Variants in SDK1 observed in about 807,000 individuals in gnomAD.
The protein encoded by SDK1 is protein sidekick-1.
SDK1 carries 157 observed loss-of-function variants against 245.5 expected under a neutral mutation model. The observed-to-expected ratio is 0.64, with a 90% confidence interval of 0.56 to 0.73. The LOEUF is 0.73. Ranked by LOEUF, SDK1 falls within the 30% of genes least tolerant of loss-of-function variation. The probability of loss-of-function intolerance (pLI) is 0.00; values close to 1 mark genes in which losing one functional copy is unlikely to be tolerated. For missense variants in SDK1, 3,583 were observed against 3,002.3 expected, an observed-to-expected ratio of 1.19 and a Z score of -4.52; for synonymous variants, 1,647 against 1,278.5, an observed-to-expected ratio of 1.29 and a Z score of -6.15.
At chr7:3,889,657 G>A (rs567626252) in intron 5 of SDK1, among the ~76,000 whole-genome samples, 16 of 152,224 alleles carry the variant, frequency 1.1e-4, no homozygotes, top group Admixed American at 7.8e-4. Context: ...ACAGGTGCCC[G>A]CCACCTCGCC....
intron 1 of SDK1, among the ~76,000 whole-genome samples, chr7:3,354,710 A>C (rs1348552910): frequency 6.6e-6 from 1 of 152,226 alleles, no homozygotes; most frequent in Non-Finnish European, 1.5e-5. Context: ...AGATTATTTA[A>C]ATAGCCCTGC....
chr7:3,984,169 T>A (rs10216167), intron 13 of SDK1, among the ~76,000 whole-genome samples: 70,510 of 151,928 alleles, frequency 0.46, 17,713 homozygotes, highest in South Asian at 0.66. Flanking sequence ...CCACTCTGAC[T>A]AGAATCACAT....
chr7:3,602,119 A>G (rs1781272816), intron 1 of SDK1, among the ~76,000 whole-genome samples: 1 of 151,984 alleles, frequency 6.6e-6, no homozygotes, highest in Non-Finnish European at 1.5e-5. Context: ...GCTGTTGTGA[A>G]TAGTGCTACA....
chr7:3,582,644 TAACA>T (rs1005159488), intron 1 of SDK1, among the ~76,000 whole-genome samples: 2 of 95,016 alleles, frequency 2.1e-5, no homozygotes, highest in Admixed American at 1.6e-4. Flanking sequence ...TGAGCTTACA[TAACA>T]AACCTGCACA....
chr7:3,500,532 A>C (rs1182635510), intron 1 of SDK1, among the ~76,000 whole-genome samples: 1 of 152,028 alleles, frequency 6.6e-6, no homozygotes, highest in Non-Finnish European at 1.5e-5. Flanking sequence ...CTTTCTCATT[A>C]TTCTTATGTG....
At chr7:3,396,926 G>C (rs1349990258) in intron 1 of SDK1, among the ~76,000 whole-genome samples, 2 of 151,208 alleles carry the variant, frequency 1.3e-5, no homozygotes, top group African/African-American at 4.8e-5. Context: ...TATATTTTTT[G>C]TTCCTTCATT....
chr7:4,120,928 T>TAAAAA lies in SDK1; in HGVS notation c.3824-6453_3824-6452insAAAAA, dbSNP rs546508577. 5.3e-3 allele frequency among the ~76,000 whole-genome samples: 790 copies of TAAAAA among 149,112 alleles called. 3 individuals carry two copies. The highest frequency in any genetic ancestry group is 0.019 in the African/African-American group (760 of 40,188). Reference sequence around the variant, plus strand: ...ACCACACCCGGCCAAGAACACTCTTTTAAAAAAAAAAAAAAAGAAAGAAAC... The same window carrying TAAAAA: ...ACCACACCCGGCCAAGAACACTCTTTAAAAATAAAAAAAAAAAAAAAGAAAGAAAC... On this transcript the variant is annotated intron_variant, in intron 25 of 44. Coordinates refer to ENST00000404826, the MANE Select transcript of SDK1 (RefSeq NM_152744.4).
chr7:4,017,125 G>A (rs772114382), intron 16 of SDK1, 46 bp from the exon 17 acceptor site: 2 of 1,541,808 alleles, frequency 1.3e-6, no homozygotes, highest in Non-Finnish European at 1.8e-6. Flanking sequence ...CACCGTTCCT[G>A]GGTCCAGTTA....
chr7:3,341,786 C>A (rs1268364031), intron 1 of SDK1, among the ~76,000 whole-genome samples: 4 of 152,148 alleles, frequency 2.6e-5, no homozygotes, highest in African/African-American at 7.2e-5. Flanking sequence ...AATCAGAGGA[C>A]CCAAATGTTG....
intron 39 of SDK1, among the ~76,000 whole-genome samples, chr7:4,220,477 G>C (rs902189314): frequency 2.4e-4 from 36 of 151,346 alleles, no homozygotes; most frequent in African/African-American, 6.8e-4. Context: ...TACATCCATG[G>C]GCACATTGTT....
intron 4 of SDK1, among the ~76,000 whole-genome samples, chr7:3,728,451 C>A (rs978966374): frequency 6.6e-6 from 1 of 152,170 alleles, no homozygotes; most frequent in African/African-American, 2.4e-5. Flanking sequence ...GAGTGACTCC[C>A]TCTGTGATTC....
At chr7:3,760,791 G>C (rs903675933) in intron 4 of SDK1, among the ~76,000 whole-genome samples, 4 of 152,208 alleles carry the variant, frequency 2.6e-5, no homozygotes, top group Non-Finnish European at 5.9e-5. Flanking sequence ...AATATCATTA[G>C]GATCATACGG....
Position 3,863,468 on chromosome 7 carries a change from C to T in SDK1, c.847+41885C>T, listed in dbSNP as rs533921026. Among the ~76,000 whole-genome samples, 24 of 152,248 alleles carry T rather than the reference C, an allele frequency of 1.6e-4. 1 individual carries two copies. The highest frequency in any genetic ancestry group is 7.2e-4 in the Admixed American group (11 of 15,296). ...ATTTTAACTATGTTTGCATGTACAACTTCATGTTATTAAGCACATTCATAT... is the reference window on the plus strand; with the variant it reads ...ATTTTAACTATGTTTGCATGTACAATTTCATGTTATTAAGCACATTCATAT... On this transcript the variant is annotated intron_variant, in intron 5 of 44. Coordinates refer to ENST00000404826, the MANE Select transcript of SDK1 (RefSeq NM_152744.4).
chr7:3,444,807 A>T (rs1433585111), intron 1 of SDK1, among the ~76,000 whole-genome samples: 1 of 152,220 alleles, frequency 6.6e-6, no homozygotes, highest in African/African-American at 2.4e-5. Context: ...ATGACTTTTT[A>T]AAATCTCCTG....
At chr7:3,714,510 C>G (rs1785144088) in intron 4 of SDK1, among the ~76,000 whole-genome samples, 1 of 152,178 alleles carries the variant, frequency 6.6e-6, no homozygotes, top group Non-Finnish European at 1.5e-5. Context: ...TTGCTCATTT[C>G]ACATCAGTCC....
At chr7:3,567,830 A>G (rs1421115851) in intron 1 of SDK1, among the ~76,000 whole-genome samples, 4 of 152,096 alleles carry the variant, frequency 2.6e-5, no homozygotes, top group African/African-American at 9.6e-5. Context: ...TTTTTCTTCT[A>G]AGGCAGGGTC....
intron 4 of SDK1, among the ~76,000 whole-genome samples, chr7:3,721,441 C>A (rs1666820464): frequency 6.6e-6 from 1 of 152,066 alleles, no homozygotes; most frequent in South Asian, 2.1e-4. Flanking sequence ...CTAATTATTT[C>A]AAAATAAAAT....
intron 14 of SDK1, among the ~76,000 whole-genome samples, chr7:4,010,659 C>T (rs1377660075): frequency 6.6e-6 from 1 of 152,212 alleles, no homozygotes; most frequent in Non-Finnish European, 1.5e-5. Flanking sequence ...ACTTTCTCCC[C>T]TTACATACTG....
chr7:3,938,212 A>G (rs997794721), intron 5 of SDK1, among the ~76,000 whole-genome samples: 5 of 152,182 alleles, frequency 3.3e-5, no homozygotes, highest in African/African-American at 1.2e-4. Context: ...TTAGAATTCT[A>G]TTCAGAAGTG....
Sources: gnomAD v4.1 joint callset for allele counts (sites outside exome capture counted in the v4.1 genomes callset) on GRCh38, gnomAD v4.1.1 for gene constraint, MANE v1.5 for transcripts, NCBI Gene and HGNC (gene_info 2026-07-23, HGNC 2026-07-21) for gene names.